The following IQCJ variants were observed in gnomAD, a reference collection of about 807,000 sequenced individuals.
IQCJ encodes the protein IQ domain-containing protein J.
Under a neutral mutation model 11.0 loss-of-function variants are expected in IQCJ, and 9 were observed. That is an observed-to-expected ratio of 0.82 (90% confidence interval 0.49 to 1.43). The LOEUF is 1.43. IQCJ is among the 40% of genes most tolerant of loss of function. IQCJ has a pLI of 0.00. For missense variants in IQCJ, 146 were observed against 133.2 expected (o/e 1.10, Z -0.47); for synonymous variants, 55 against 51.3 (o/e 1.07, Z -0.31).
In IQCJ at chr3:159,091,676, A is replaced by ACGCG. The variant is rs1559981892; in HGVS notation, c.9+22236_9+22237insGCGC. 8.0e-5 allele frequency among the ~76,000 whole-genome samples: 5 copies of ACGCG among 62,408 alleles called. 1 individual carries two copies. Among genetic ancestry groups the ACGCG allele is most frequent in the Admixed American group, 3.9e-4 (2 of 5,164 alleles). 40.9% of individuals were successfully genotyped at this position (62,408 alleles called of 152,430 possible). A position where few individuals can be genotyped will look rare whatever the true frequency, so the allele number is the denominator to read the frequency against. ...CACACACACACACACACACGCATGCACACACACACACACACACACACACAC... is the reference window on the plus strand; with the variant it reads ...CACACACACACACACACACGCATGCACGCGCACACACACACACACACACACACAC... On this transcript the variant is annotated intron_variant, in intron 1 of 3. Transcript: ENST00000397832.
At chr3:159,164,549 C>T (rs1281929324) in intron 1 of IQCJ, among the ~76,000 whole-genome samples, 1 of 152,178 alleles carries the variant, frequency 6.6e-6, no homozygotes, top group South Asian at 2.1e-4. Flanking sequence ...GGGCGGATCA[C>T]CTGAGGTCAG....
rs148891009 is a variant in IQCJ at position 159,116,907 on chromosome 3, A to AC, written c.9+47468dup. On this transcript the variant is annotated intron_variant, in intron 1 of 3. Coordinates refer to ENST00000397832, the MANE Select transcript of IQCJ (RefSeq NM_001042706.3). ...TTCCTGAGAAGGATCACTGTTTGCT[A>AC]CCAGCCCCTGAGAAAGAATGAGCAG... Among the ~76,000 whole-genome samples the AC allele has an allele frequency of 1.6e-4, 24 of 151,960 alleles. No individual in the cohort carries two copies. In the East Asian group the frequency reaches 4.1e-3, roughly 26 times the overall value.
Position 159,089,975 on chromosome 3 carries a change from C to T in IQCJ, c.9+20534C>T, listed in dbSNP as rs952493260. Among the ~76,000 whole-genome samples, 5 of 151,864 alleles carry T rather than the reference C, an allele frequency of 3.3e-5. 1 individual carries two copies. The highest frequency in any genetic ancestry group is 1.2e-4 in the African/African-American group (5 of 41,142). The stretch of plus-strand genomic sequence containing the variant: ...CTGTTGCTGTTGAGGAACTGCATTC[C>T]TTTGGAGGAGGAGAGGTGCTCTGCT... On this transcript the variant is annotated intron_variant, in intron 1 of 3. Coordinates refer to ENST00000397832, the MANE Select transcript of IQCJ (RefSeq NM_001042706.3).
At chr3:159,222,761 T>C (rs1440402277) in intron 1 of IQCJ, among the ~76,000 whole-genome samples, 1 of 152,158 alleles carries the variant, frequency 6.6e-6, no homozygotes, top group Non-Finnish European at 1.5e-5. Context: ...TGCTTACCTA[T>C]AGTAATCATT....
At chr3:159,254,430 A>G (rs988635242) in intron 3 of IQCJ, among the ~76,000 whole-genome samples, 1 of 152,190 alleles carries the variant, frequency 6.6e-6, no homozygotes, top group African/African-American at 2.4e-5. Context: ...AATGAGGTGC[A>G]AACAGAATGG....
chr3:159,120,266 A>C (rs1251605380), intron 1 of IQCJ, among the ~76,000 whole-genome samples: 1 of 152,158 alleles, frequency 6.6e-6, no homozygotes, highest in Non-Finnish European at 1.5e-5. Context: ...CTGCTTGCTT[A>C]ACATACTAAA....
At chr3:159,153,075 A>G (rs1721319145) in intron 1 of IQCJ, among the ~76,000 whole-genome samples, 1 of 151,954 alleles carries the variant, frequency 6.6e-6, no homozygotes, top group Non-Finnish European at 1.5e-5. Context: ...TCAGAGAAGT[A>G]TATAATATAT....
chr3:159,236,630 TC>T (rs1726609233), intron 1 of IQCJ, among the ~76,000 whole-genome samples: 1 of 152,204 alleles, frequency 6.6e-6, no homozygotes, highest in Non-Finnish European at 1.5e-5. Context: ...CCAGGGAGCA[TC>T]ATTTACAGCC....
At chr3:159,204,944 G>C (rs1345153360) in intron 1 of IQCJ, among the ~76,000 whole-genome samples, 1 of 152,210 alleles carries the variant, frequency 6.6e-6, no homozygotes, top group Non-Finnish European at 1.5e-5. Context: ...TGCTATGGAT[G>C]TCAGATTGCA....
intron 1 of IQCJ, among the ~76,000 whole-genome samples, chr3:159,233,372 A>G (rs1726382637): frequency 1.3e-5 from 2 of 152,190 alleles, no homozygotes; most frequent in Non-Finnish European, 2.9e-5. Flanking sequence ...CTGGCAGGCA[A>G]TAAGTCTTCA....
chr3:159,190,116 T>TG (rs1330319577), intron 1 of IQCJ, among the ~76,000 whole-genome samples: 2 of 152,182 alleles, frequency 1.3e-5, no homozygotes, highest in African/African-American at 4.8e-5. Flanking sequence ...TCCTGATACG[T>TG]GGCTGGCCCT....
chr3:159,091,584 G>A (rs1263811661), intron 1 of IQCJ, among the ~76,000 whole-genome samples: 1 of 150,812 alleles, frequency 6.6e-6, no homozygotes, highest in African/African-American at 2.5e-5. Flanking sequence ...CAAACATTCA[G>A]ACCATAGCAG....
At chr3:159,254,123 A>G (rs1727760271) in intron 3 of IQCJ, among the ~76,000 whole-genome samples, 2 of 152,236 alleles carry the variant, frequency 1.3e-5, no homozygotes, top group African/African-American at 4.8e-5. Flanking sequence ...TGGCAAACAT[A>G]GGTTGCTTTA....
chr3:159,212,336 C>T lies in IQCJ; in HGVS notation c.10-33507C>T, dbSNP rs142733972. Among the ~76,000 whole-genome samples the T allele has an allele frequency of 2.3e-4, 35 of 152,246 alleles. No homozygotes were observed. In the East Asian group the frequency reaches 6.2e-3, roughly 27 times the overall value. On this transcript the variant is annotated intron_variant, in intron 1 of 3. Coordinates refer to ENST00000397832, the MANE Select transcript of IQCJ (RefSeq NM_001042706.3). ...GTGGTCCTATGCCAGTCAACCTTGG[C>T]ACCTCAGTCTTGTTATCTGTAAAAT...
intron 1 of IQCJ, among the ~76,000 whole-genome samples, chr3:159,095,172 G>C (rs1201044455): frequency 6.6e-6 from 1 of 151,720 alleles, no homozygotes; most frequent in Non-Finnish European, 1.5e-5. Context: ...TTATACCTTA[G>C]AAGTTGGCAA....
At chr3:159,249,561 GA>G (rs1481859835) in intron 2 of IQCJ, among the ~76,000 whole-genome samples, 1 of 152,214 alleles carries the variant, frequency 6.6e-6, no homozygotes, top group Non-Finnish European at 1.5e-5. Context: ...CATTTGCCTG[GA>G]ATTCTGGAGA....
chr3:159,261,643 A>T (rs1421640808), intron 3 of IQCJ, among the ~76,000 whole-genome samples: 1 of 152,192 alleles, frequency 6.6e-6, no homozygotes, highest in Non-Finnish European at 1.5e-5. Flanking sequence ...GAGTCAATTA[A>T]ACCTCTTTTC....
intron 1 of IQCJ, among the ~76,000 whole-genome samples, chr3:159,197,916 T>A (rs894273646): frequency 6.6e-6 from 1 of 152,154 alleles, no homozygotes; most frequent in Non-Finnish European, 1.5e-5. Flanking sequence ...ATCAAAAATT[T>A]TTTTTTACTA....
chr3:159,209,713 C>G (rs1724851025), intron 1 of IQCJ, among the ~76,000 whole-genome samples: 1 of 152,170 alleles, frequency 6.6e-6, no homozygotes, highest in South Asian at 2.1e-4. Flanking sequence ...CCTGCATGCT[C>G]TCCCTCCCAC....
Sources: gnomAD v4.1 joint callset for allele counts (sites outside exome capture counted in the v4.1 genomes callset) on GRCh38, gnomAD v4.1.1 for gene constraint, MANE v1.5 for transcripts, NCBI Gene and HGNC (gene_info 2026-07-23, HGNC 2026-07-21) for gene names.